Variants in RAB11FIP4 observed in about 807,000 individuals in gnomAD.
RAB11FIP4 encodes the protein rab11 family-interacting protein 4.
RAB11FIP4 carries 23 observed loss-of-function variants against 74.3 expected under a neutral mutation model. That is an observed-to-expected ratio of 0.31 (90% CI 0.22 to 0.44). The LOEUF (loss-of-function observed/expected upper bound fraction) is 0.44, where lower values mean the gene tolerates loss of function less well. Ranked by LOEUF, RAB11FIP4 falls within the 20% of genes least tolerant of loss-of-function variation. RAB11FIP4 has a pLI of 1.00. For synonymous variants in RAB11FIP4, 360 were observed against 359.9 expected, an observed-to-expected ratio of 1.00 and a Z score of 0.00; for missense variants, 630 against 863.9, an observed-to-expected ratio of 0.73 and a Z score of 3.39.
At chr17:31,457,823 C>T (rs751427993) in intron 3 of RAB11FIP4, among the ~76,000 whole-genome samples, 216 of 152,196 alleles carry the variant, frequency 1.4e-3, no homozygotes, top group Non-Finnish European at 1.1e-3. Flanking sequence ...CCTCCCTCTC[C>T]GTCCCTGACT....
chr17:31,523,170 T>C, intron 7 of RAB11FIP4: 1 of 356,834 alleles, frequency 2.8e-6, no homozygotes, highest in Non-Finnish European at 5.4e-6. Flanking sequence ...CCTTGGGGGC[T>C]TCCCCACTGG....
chr17:31,473,495 C>T (rs1387697308), intron 3 of RAB11FIP4, among the ~76,000 whole-genome samples: 1 of 152,172 alleles, frequency 6.6e-6, no homozygotes, highest in Non-Finnish European at 1.5e-5. Flanking sequence ...GAGCTGAGAT[C>T]ACGCCACTGC....
rs1173142321 is a variant in RAB11FIP4 at position 31,521,271 on chromosome 17, C to T, written c.669C>T (p.Asp223=). Residue 223 remains aspartate, a synonymous_variant, in exon 5 of 15, where the codon GAC becomes GAT. Coordinates refer to ENST00000621161, the MANE Select transcript of RAB11FIP4 (RefSeq NM_032932.6). ...AGTTTGAAGACTATGGGGAGGGTGA[C>T]GATGTGGACTGTGCCCCCAGCAGCC... is the stretch of plus-strand genomic sequence containing the variant. ...EEQFEDYGEG[D]DVDCAPSSPC... 8 of 1,613,912 alleles carry T rather than the reference C, an allele frequency of 5.0e-6. No individual in the cohort carries two copies. Among genetic ancestry groups the T allele is most frequent in the East Asian group, 2.2e-5 (1 of 44,888 alleles).
chr17:31,477,770 G>A (rs978189811), intron 3 of RAB11FIP4, among the ~76,000 whole-genome samples: 1 of 152,164 alleles, frequency 6.6e-6, no homozygotes, highest in Admixed American at 6.5e-5. Context: ...ATAACGGCTA[G>A]GTGCACAGTC....
chr17:31,465,537 GC>G, intron 3 of RAB11FIP4: 2 of 140,390 alleles, frequency 1.4e-5, no homozygotes, highest in Non-Finnish European at 3.1e-5. Flanking sequence ...AAGAACCCCA[GC>G]CCCTGCTGGG....
chr17:31,504,146 T>G (rs1050591256), intron 3 of RAB11FIP4, among the ~76,000 whole-genome samples: 8 of 148,306 alleles, frequency 5.4e-5, no homozygotes, highest in Non-Finnish European at 1.0e-4. Context: ...TTTTTTTTTT[T>G]TTGAGACATT....
rs751772020 is a variant in RAB11FIP4 at position 31,431,879 on chromosome 17, C to CG, written c.232dup (p.Val78GlyfsTer46). ...GAGAATCAACTTCAAGGACTTTTGCCGGGGGGTGTTCGCCATGAAAGGTGA... is the reference window on the plus strand; with the variant it reads ...GAGAATCAACTTCAAGGACTTTTGCCGGGGGGGTGTTCGCCATGAAAGGTGA... On this transcript the variant is annotated frameshift_variant, in exon 2 of 15. Transcript: ENST00000621161. LOFTEE classifies it high-confidence loss of function. The CG allele has an allele frequency of 1.9e-6, 3 of 1,612,876 alleles. No individual in the cohort carries two copies. Among genetic ancestry groups the CG allele is most frequent in the Non-Finnish European group, 2.5e-6 (3 of 1,179,312 alleles).
At chr17:31,442,758 G>C (rs2071417951) in intron 3 of RAB11FIP4, among the ~76,000 whole-genome samples, 1 of 152,100 alleles carries the variant, frequency 6.6e-6, no homozygotes, top group Non-Finnish European at 1.5e-5. Flanking sequence ...TCAGGAGTTT[G>C]AGACCAGCCT....
chr17:31,495,538 A>G (rs1446578672), intron 3 of RAB11FIP4, among the ~76,000 whole-genome samples: 1 of 151,750 alleles, frequency 6.6e-6, no homozygotes, highest in East Asian at 1.9e-4. Context: ...CTATTTATTC[A>G]TTTGGTAGAG....
At chr17:31,497,746 G>A (rs2072144303) in intron 3 of RAB11FIP4, among the ~76,000 whole-genome samples, 1 of 152,192 alleles carries the variant, frequency 6.6e-6, no homozygotes, top group Admixed American at 6.5e-5. Flanking sequence ...ATGTCTGGGT[G>A]ACAGTGGCCC....
chr17:31,481,027 CTG>C (rs1164038417), intron 3 of RAB11FIP4, among the ~76,000 whole-genome samples: 1 of 152,032 alleles, frequency 6.6e-6, no homozygotes, highest in East Asian at 1.9e-4. Flanking sequence ...CTGGCACTAA[CTG>C]TTTTGAACAA....
chr17:31,433,766 C>T (rs2071331982), intron 2 of RAB11FIP4, among the ~76,000 whole-genome samples: 1 of 152,206 alleles, frequency 6.6e-6, no homozygotes, highest in African/African-American at 2.4e-5. Flanking sequence ...GGAAGGCCTC[C>T]TTCCTTCCTG....
At chr17:31,434,654 G>C (rs2071341406) in intron 3 of RAB11FIP4, among the ~76,000 whole-genome samples, 2 of 152,060 alleles carry the variant, frequency 1.3e-5, no homozygotes, top group South Asian at 2.1e-4. Context: ...GCAAACACAG[G>C]GTTCCCAGGA....
At chr17:31,426,830 GACCTAGTGATCTGCCC>G (rs1476347125) in intron 1 of RAB11FIP4, among the ~76,000 whole-genome samples, 5 of 152,076 alleles carry the variant, frequency 3.3e-5, no homozygotes, top group Non-Finnish European at 5.9e-5. Flanking sequence ...TCAATCTCTT[GACCTAGTGATCTGCCC>G]ACCTTGGCCT....
Position 31,537,286 on chromosome 17 carries a change from C to A in RAB11FIP4, c.*5554C>A. 2.5e-6 allele frequency: 1 copy of A among 398,712 alleles called. No individual in the cohort carries two copies. Among genetic ancestry groups the A allele is most frequent in the South Asian group, 1.3e-4 (1 of 7,450 alleles). 24.7% of individuals were successfully genotyped at this position (398,712 alleles called of 1,614,324 possible). A position where few individuals can be genotyped will look rare whatever the true frequency, so the allele number is the denominator to read the frequency against. On this transcript the variant is annotated 3_prime_UTR_variant, in exon 15 of 15. Coordinates refer to ENST00000621161, the MANE Select transcript of RAB11FIP4 (RefSeq NM_032932.6). ...CCCAGGTGAGGCCAGCTCTCCCGGGCACATTCGTCCACAAGGATCAGGCCC... is the reference window on the plus strand; with the variant it reads ...CCCAGGTGAGGCCAGCTCTCCCGGGAACATTCGTCCACAAGGATCAGGCCC...
At position 31,513,304 on chromosome 17, in the gene RAB11FIP4, C is replaced by T. The variant is rs188403219; in HGVS notation, c.337-4347C>T. 2.2e-4 allele frequency among the ~76,000 whole-genome samples: 34 copies of T among 152,316 alleles called. No individual in the cohort carries two copies. In the East Asian group the frequency reaches 2.9e-3, roughly 13 times the overall value. Reference sequence around the variant, plus strand: ...TGGCCAAGTTCTTCCTTTTCCTCTGCAACTTTATCTAAAAAACATACAAAA... The same window carrying T: ...TGGCCAAGTTCTTCCTTTTCCTCTGTAACTTTATCTAAAAAACATACAAAA... On this transcript the variant is annotated intron_variant, in intron 3 of 14. Transcript: ENST00000621161.
At position 31,414,514 on chromosome 17, in the gene RAB11FIP4, G is replaced by A. The variant is rs375568483; in HGVS notation, c.160-17299G>A. On this transcript the variant is annotated intron_variant, in intron 1 of 14. Transcript: ENST00000621161. ...CCAAACAAAGCCCTTGTGGGTGGCC[G>A]GAGGGATTCTGTCAGCCCAGACTCA... Among the ~76,000 whole-genome samples, 7 of 152,352 alleles carry A rather than the reference G, an allele frequency of 4.6e-5. No individual in the cohort carries two copies. In the South Asian group the frequency reaches 8.3e-4, roughly 18 times the overall value.
At chr17:31,431,596 A>G in intron 1 of RAB11FIP4, 1 of 499,496 alleles carries the variant, frequency 2.0e-6, no homozygotes, top group African/African-American at 2.1e-5. Flanking sequence ...GTGCTCAGGG[A>G]GGAGCCGGTG....
intron 3 of RAB11FIP4, among the ~76,000 whole-genome samples, chr17:31,505,529 T>TA (rs2072313864): frequency 4.6e-5 from 4 of 86,478 alleles, no homozygotes; most frequent in Admixed American, 2.0e-4. Context: ...ATATATTATA[T>TA]ATAATTATTA....
Sources: allele counts gnomAD v4.1 joint callset (sites outside exome capture counted in the v4.1 genomes callset), GRCh38; gene constraint gnomAD v4.1.1; transcripts MANE v1.5; gene names NCBI Gene and HGNC (gene_info 2026-07-23, HGNC 2026-07-21).